ANO10: variants seen among roughly 807,000 people sequenced by gnomAD.
ANO10 encodes anoctamin 10.
In ANO10, 77 loss-of-function variants were observed where a neutral mutation model predicts 74.7. The observed-to-expected ratio is 1.03, with a 90% CI of 0.86 to 1.25. The LOEUF is 1.25. Ranked by LOEUF, ANO10 falls within the 50% of genes most tolerant of loss-of-function variation. The pLI, the probability that ANO10 is intolerant of heterozygous loss-of-function variation, is 0.00. For missense variants in ANO10, 721 were observed against 778.1 expected (o/e 0.93, Z 0.87); for synonymous variants, 279 against 284.9 (o/e 0.98, Z 0.21).
chr3:43,583,678 G>A (rs1364526893), intron 4 of ANO10, among the ~76,000 whole-genome samples: 1 of 152,234 alleles, frequency 6.6e-6, no homozygotes, highest in South Asian at 2.1e-4. Flanking sequence ...GGGGTGATAA[G>A]CACAGATGCC....
chr3:43,631,184 C>A (rs1344134302), intron 1 of ANO10, among the ~76,000 whole-genome samples: 1 of 152,202 alleles, frequency 6.6e-6, no homozygotes, highest in Non-Finnish European at 1.5e-5. Flanking sequence ...CAGTTCTGTC[C>A]TCCACATGTT....
intron 11 of ANO10, among the ~76,000 whole-genome samples, chr3:43,473,516 T>G (rs921995713): frequency 2.0e-5 from 3 of 152,210 alleles, no homozygotes; most frequent in Non-Finnish European, 4.4e-5. Context: ...CACATGCCAC[T>G]GTCATTATTT....
At chr3:43,659,108 C>G (rs1234359818) in intron 1 of ANO10, among the ~76,000 whole-genome samples, 1 of 152,054 alleles carries the variant, frequency 6.6e-6, no homozygotes, top group East Asian at 1.9e-4. Context: ...TGAATAGGTA[C>G]AGCTCTGGTC....
rs550492669 is a variant in ANO10 at position 43,536,053 on chromosome 3, T to C, written c.1797+13667A>G. Among the ~76,000 whole-genome samples the C allele has an allele frequency of 4.6e-5, 7 of 152,342 alleles. No homozygotes were observed. The South Asian group carries it at 1.4e-3, about 32-fold the overall frequency. ...ATCACATACTTATTAGTCTTTTGTA[T>C]TTTAAAAACGCTTCTTCAGCTTAAA... is the stretch of plus-strand genomic sequence containing the variant. On this transcript the variant is annotated intron_variant, in intron 11 of 12. Transcript: ENST00000292246.
intron 12 of ANO10, among the ~76,000 whole-genome samples, chr3:43,379,980 T>C (rs964400129): frequency 7.2e-5 from 11 of 152,058 alleles, no homozygotes; most frequent in Non-Finnish European, 7.4e-5. Context: ...GTGAAATAGA[T>C]AGCATAAATA....
chr3:43,592,572 C>T (rs923030566), intron 4 of ANO10, among the ~76,000 whole-genome samples: 1 of 152,130 alleles, frequency 6.6e-6, no homozygotes, highest in Non-Finnish European at 1.5e-5. Context: ...AACAGAAAGA[C>T]ATTCACACCA....
At chr3:43,446,796 T>A (rs1218861362) in intron 11 of ANO10, among the ~76,000 whole-genome samples, 1 of 152,208 alleles carries the variant, frequency 6.6e-6, no homozygotes, top group Non-Finnish European at 1.5e-5. Flanking sequence ...AAGCGATTTA[T>A]CCTAGCTATT....
At chr3:43,568,720 A>T (rs1462058724) in intron 7 of ANO10, among the ~76,000 whole-genome samples, 2 of 147,168 alleles carry the variant, frequency 1.4e-5, no homozygotes, top group African/African-American at 5.1e-5. Flanking sequence ...CTAAATGCCC[A>T]CAAGAGAAAG....
chr3:43,602,679 G>C (rs994593207), intron 2 of ANO10, among the ~76,000 whole-genome samples: 6 of 152,126 alleles, frequency 3.9e-5, no homozygotes, highest in African/African-American at 1.4e-4. Context: ...ATTTTGTTTT[G>C]AAAAAGAGCA....
chr3:43,600,852 C>T (rs144929501), intron 2 of ANO10, among the ~76,000 whole-genome samples: 194 of 152,028 alleles, frequency 1.3e-3, no homozygotes, highest in African/African-American at 4.5e-3. Flanking sequence ...TCAATATTTC[C>T]GAGCTCTAGG....
intron 11 of ANO10, among the ~76,000 whole-genome samples, chr3:43,526,802 T>C (rs2078216124): frequency 2.0e-5 from 3 of 152,148 alleles, no homozygotes; most frequent in African/African-American, 7.2e-5. Flanking sequence ...ATATAGAATA[T>C]AGCATCTATA....
chr3:43,556,876 A>C (rs776169618), intron 9 of ANO10, among the ~76,000 whole-genome samples: 4 of 152,192 alleles, frequency 2.6e-5, no homozygotes, highest in Non-Finnish European at 5.9e-5. Context: ...GTAGATAATA[A>C]AAAGGGTAAA....
chr3:43,436,665 C>A (rs1162427053), intron 11 of ANO10, among the ~76,000 whole-genome samples: 1 of 152,140 alleles, frequency 6.6e-6, no homozygotes, highest in Non-Finnish European at 1.5e-5. Context: ...CCAGTGCCAG[C>A]AGTAAAGTAC....
chr3:43,551,742 A>G (rs1027697241), intron 10 of ANO10, among the ~76,000 whole-genome samples: 8 of 152,176 alleles, frequency 5.3e-5, no homozygotes, highest in Non-Finnish European at 1.5e-5. Flanking sequence ...TGATACTAAT[A>G]TAGTCATTCC....
intron 11 of ANO10, among the ~76,000 whole-genome samples, chr3:43,529,317 C>A (rs1364154122): frequency 6.6e-6 from 1 of 152,120 alleles, no homozygotes; most frequent in Admixed American, 6.5e-5. Flanking sequence ...TGTTATAGAA[C>A]CTAATATGGA....
At chr3:43,559,276 A>C (rs2079909580) in intron 9 of ANO10, among the ~76,000 whole-genome samples, 1 of 152,208 alleles carries the variant, frequency 6.6e-6, no homozygotes, top group Non-Finnish European at 1.5e-5. Context: ...GACTGTACTA[A>C]AAACCATTCA....
In ANO10 at chr3:43,639,776, G is replaced by GA. The variant is rs542866790; in HGVS notation, c.-11-33914dup. Among the ~76,000 whole-genome samples, 951 of 105,888 alleles carry GA rather than the reference G, an allele frequency of 9.0e-3. 2 individuals carry two copies. Among genetic ancestry groups the GA allele is most frequent in the African/African-American group, 0.025 (713 of 28,738 alleles). The allele number at this position is 105,888 out of a possible 152,430, so 69.5% of individuals were successfully genotyped here. A position where few individuals can be genotyped will look rare whatever the true frequency, so the allele number is the denominator to read the frequency against. Reference sequence around the variant, plus strand: ...GGCGACAGAGTAAGACTCCATCTCAGAAAAAAAAAAAAAAGAAAGAAAGAA... The same window carrying GA: ...GGCGACAGAGTAAGACTCCATCTCAGAAAAAAAAAAAAAAAGAAAGAAAGAA... On this transcript the variant is annotated intron_variant, in intron 1 of 3. Coordinates refer to the ANO10 transcript ENST00000413397.
chr3:43,396,281 T>C (rs895705485), intron 12 of ANO10, among the ~76,000 whole-genome samples: 5 of 152,148 alleles, frequency 3.3e-5, no homozygotes, highest in Admixed American at 6.5e-5. Flanking sequence ...TGATGTCCCA[T>C]AGTTCACTAA....
At chr3:43,481,580 C>T (rs1224866308) in intron 11 of ANO10, among the ~76,000 whole-genome samples, 1 of 152,098 alleles carries the variant, frequency 6.6e-6, no homozygotes, top group East Asian at 1.9e-4. Flanking sequence ...GCATTAACAT[C>T]AAAACAGAGA....
Sources: allele counts gnomAD v4.1 joint callset (sites outside exome capture counted in the v4.1 genomes callset), GRCh38; gene constraint gnomAD v4.1.1; transcripts MANE v1.5; gene names NCBI Gene and HGNC (gene_info 2026-07-23, HGNC 2026-07-21).